The following RBM4 variants were observed in gnomAD, a reference collection of about 807,000 sequenced individuals.
RBM4 encodes the protein RNA binding motif protein 4.
A neutral mutation model predicts 29.5 loss-of-function variants in RBM4; 7 were observed. That is an observed-to-expected ratio of 0.24 (90% CI 0.14 to 0.45). The LOEUF (loss-of-function observed/expected upper bound fraction) is 0.45. Among genes scored for constraint, RBM4 ranks in the 20% least tolerant of loss-of-function variants. The pLI is 1.00. For synonymous variants in RBM4, 220 were observed against 205.4 expected, an observed-to-expected ratio of 1.07 and a Z score of -0.61; for missense variants, 387 against 502.3, an observed-to-expected ratio of 0.77 and a Z score of 2.19.
At chr11:66,645,792 A>G (rs543210502) in intron 3 of RBM4, among the ~76,000 whole-genome samples, 54 of 152,166 alleles carry the variant, frequency 3.5e-4, no homozygotes, top group Non-Finnish European at 6.9e-4. Context: ...ACTTTTATGA[A>G]ACAAGATTTG....
intron 2 of RBM4, among the ~76,000 whole-genome samples, chr11:66,657,375 C>G (rs1938969256): frequency 6.6e-6 from 1 of 151,940 alleles, no homozygotes; most frequent in African/African-American, 2.4e-5. Context: ...ATACTCTTGT[C>G]TCAGCCTTCC....
chr11:66,644,332 C>A lies in RBM4; in HGVS notation c.*8+192C>A, dbSNP rs192182640. 9.3e-5 allele frequency: 72 copies of A among 778,076 alleles called. No individual in the cohort carries two copies. In the Middle Eastern group the frequency reaches 1.2e-3, roughly 13 times the overall value. The allele number at this position is 778,076 out of a possible 1,614,324, so 48.2% of individuals were successfully genotyped here. ...ACATAGAGTTCCTTGGCCCTCATGG[C>A]TATTTTTCAGGGCTTCTGGTAGTGG... On this transcript the variant is annotated intron_variant, in intron 3 of 3. Coordinates refer to ENST00000310092, the MANE Select transcript of RBM4 (RefSeq NM_002896.4).
At chr11:66,666,489 C>T in exon 3 of RBM4, 1 of 981,818 alleles carries the variant, frequency 1.0e-6, no homozygotes, top group Non-Finnish European at 1.2e-6. Flanking sequence ...ATTTGAGGTT[C>T]ACACCTGGAA....
downstream of RBM4, among the ~76,000 whole-genome samples, chr11:66,650,174 A>G (rs1186794461): frequency 1.3e-5 from 2 of 152,218 alleles, no homozygotes; most frequent in African/African-American, 2.4e-5. Context: ...TATTGATGAC[A>G]TGTGCCTCGG....
Position 66,639,738 on chromosome 11 carries a change from G to T in RBM4, c.27G>T (p.Leu9=), listed in dbSNP as rs113222915. 2,876 of 1,613,976 alleles carry T rather than the reference G, an allele frequency of 1.8e-3. 43 individuals are homozygous for T. The African/African-American group carries it at 0.031, about 17-fold the overall frequency. ...TGGTGAAGCTGTTCATCGGAAACCTGCCCCGGGAGGCTACAGAGCAGGAGA... is the reference window on the plus strand; with the variant it reads ...TGGTGAAGCTGTTCATCGGAAACCTTCCCCGGGAGGCTACAGAGCAGGAGA... MVKLFIGN[L]PREATEQEIR... Residue 9 remains leucine (L), a synonymous_variant, in exon 2 of 4, where the codon CTG becomes CTT. Coordinates refer to ENST00000310092, the MANE Select transcript of RBM4 (RefSeq NM_002896.4).
intron 2 of RBM4, among the ~76,000 whole-genome samples, chr11:66,642,323 A>G (rs1370310429): frequency 6.6e-6 from 1 of 152,180 alleles, no homozygotes; most frequent in Admixed American, 6.5e-5. Flanking sequence ...TAGGTGCATC[A>G]TAACCAATTG....
chr11:66,664,440 G>A (rs549170275), intron 2 of RBM4, among the ~76,000 whole-genome samples: 27 of 147,428 alleles, frequency 1.8e-4, no homozygotes, highest in African/African-American at 2.5e-4. Flanking sequence ...GTGAGCTATC[G>A]CGCCTGGCCA....
intron 1 of RBM4, 73 bp downstream of exon 1, chr11:66,638,825 G>A (rs1045410935): frequency 2.6e-5 from 4 of 152,334 alleles, no homozygotes; most frequent in African/African-American, 9.7e-5. Context: ...GGGCTTCGGG[G>A]GTGTCCTGGT....
downstream of RBM4, among the ~76,000 whole-genome samples, chr11:66,650,253 G>C (rs1408965033): frequency 6.6e-6 from 1 of 152,208 alleles, no homozygotes; most frequent in African/African-American, 2.4e-5. Context: ...TTAACTTGAT[G>C]TTAACCCTGT....
In RBM4 at chr11:66,643,949, CGGGCGGGATCGG is replaced by C; in HGVS notation, c.913_924del (p.Gly305_Arg308del). 1 of 1,613,046 alleles carries C rather than the reference CGGGCGGGATCGG, an allele frequency of 6.2e-7. No individual in the cohort carries two copies. The highest frequency in any genetic ancestry group is 8.5e-7 in the Non-Finnish European group (1 of 1,179,988). ...TTACTGCAGCTTCCACTTCATATTA[CGGGCGGGATCGG>C]AGCCCCCTGCGTCGCGCTACAGCCC... On this transcript the variant is annotated inframe_deletion, in exon 3 of 4. Coordinates refer to ENST00000310092, the MANE Select transcript of RBM4 (RefSeq NM_002896.4). The surrounding 1 kb of genome is among the most constrained non-coding windows in gnomAD (Gnocchi z 6.1).
chr11:66,652,926 C>T (rs574531788), intron 2 of RBM4, among the ~76,000 whole-genome samples: 43 of 152,216 alleles, frequency 2.8e-4, no homozygotes, highest in African/African-American at 9.1e-4. Flanking sequence ...GGAGAAAGTA[C>T]GTAGCTAGTG....
At chr11:66,657,207 T>C (rs2135086246) in intron 2 of RBM4, among the ~76,000 whole-genome samples, 1 of 150,900 alleles carries the variant, frequency 6.6e-6, no homozygotes, top group Non-Finnish European at 1.5e-5. Context: ...CTCAACCTTC[T>C]GAGCTGAAGC....
rs375507961 is a variant in RBM4 at position 66,655,088 on chromosome 11, C to T, written c.413-10768C>T. Among the ~76,000 whole-genome samples the T allele has an allele frequency of 2.9e-4, 44 of 151,780 alleles. No individual in the cohort carries two copies. The East Asian group carries it at 5.2e-3, about 18-fold the overall frequency. On this transcript the variant is annotated intron_variant, in intron 2 of 2. Coordinates refer to the RBM4 transcript ENST00000396053. ...GCAACCTCTGCCTCCTAGGTTCAAG[C>T]GATTCTCCTGCCTCAGCATCCTCAG...
At chr11:66,646,874 T>C (rs1363812467), downstream of RBM4, among the ~76,000 whole-genome samples, 2 of 152,302 alleles carry the variant, frequency 1.3e-5, no homozygotes, top group Non-Finnish European at 2.9e-5. Flanking sequence ...CTTCGTGCCA[T>C]GTGAAAAAAT....
intron 2 of RBM4, among the ~76,000 whole-genome samples, chr11:66,657,942 ACTC>A (rs1169194865): frequency 6.6e-6 from 1 of 151,182 alleles, no homozygotes; most frequent in African/African-American, 2.4e-5. Flanking sequence ...CTGGTCTTGA[ACTC>A]CTGAGCTCTA....
chr11:66,645,602 G>A (rs545615312), intron 3 of RBM4, among the ~76,000 whole-genome samples: 4 of 152,010 alleles, frequency 2.6e-5, no homozygotes, highest in Non-Finnish European at 5.9e-5. Flanking sequence ...TTTTTAACTC[G>A]GACCTTGGCA....
rs200027726 is a variant in RBM4 at position 66,644,114 on chromosome 11, G to A, written c.1077G>A (p.Ala359=). 27 of 1,613,314 alleles carry A rather than the reference G, an allele frequency of 1.7e-5. No individual in the cohort carries two copies. The highest frequency in any genetic ancestry group is 1.6e-4 in the East Asian group (7 of 44,866). The part of the protein sequence containing the change: ...RYEREQYADR[A]RYSAF ...AGCGGGAGCAGTATGCCGATCGGGC[G>A]CGGTACTCAGCCTTTTAAAGCTTGA... The change falls in exon 3 of 4, where the codon GCG becomes GCA. Residue 359 remains alanine, a synonymous_variant. Coordinates refer to ENST00000310092, the MANE Select transcript of RBM4 (RefSeq NM_002896.4).
intron 3 of RBM4, 99 bp from the exon 4 acceptor site, chr11:66,645,928 G>T: frequency 6.6e-7 from 1 of 1,525,780 alleles, no homozygotes; most frequent in South Asian, 1.2e-5. Flanking sequence ...AACTTAAAAG[G>T]AGTGTCAAGT....
At position 66,643,426 on chromosome 11, in the gene RBM4, C is replaced by A. The variant is rs529540376; in HGVS notation, c.413-24C>A. Reference sequence around the variant, plus strand: ...GGCTATGACTAAGAGTGATAGCAACCCTTCTTGCGTCTGTTTCTTCAAGGC... The same window carrying A: ...GGCTATGACTAAGAGTGATAGCAACACTTCTTGCGTCTGTTTCTTCAAGGC... On this transcript the variant is annotated intron_variant, in intron 2 of 3. Coordinates refer to ENST00000310092, the MANE Select transcript of RBM4 (RefSeq NM_002896.4). This position sits in a 1 kb window ranked among gnomAD's most constrained non-coding sequence, Gnocchi z 6.1. The A allele has an allele frequency of 1.8e-5, 29 of 1,580,794 alleles. No homozygotes were observed. Among genetic ancestry groups the A allele is most frequent in the Non-Finnish European group, 2.5e-5 (29 of 1,160,464 alleles).
Sources: allele counts gnomAD v4.1 joint callset (sites outside exome capture counted in the v4.1 genomes callset), GRCh38; gene constraint gnomAD v4.1.1; non-coding constraint Gnocchi (gnomAD v3.1); transcripts MANE v1.5; gene names NCBI Gene and HGNC (gene_info 2026-07-23, HGNC 2026-07-21).